TSHR: variants seen among roughly 807,000 people sequenced by gnomAD.
The protein encoded by TSHR is thyroid stimulating hormone receptor, also known as thyrotropin receptor.
In TSHR, 51 loss-of-function variants were observed where a neutral mutation model predicts 64.1. The ratio of observed to expected loss-of-function variants is 0.80; its 90% CI spans 0.64 to 1.01. The LOEUF is 1.01. TSHR is among the 50% of genes least tolerant of loss of function. The pLI is 0.00. For missense variants in TSHR, 877 were observed against 942.8 expected (o/e 0.93, Z 0.91); for synonymous variants, 361 against 361.9 (o/e 1.00, Z 0.03).
At chr14:81,011,002 A>C (rs999302840) in intron 1 of TSHR, among the ~76,000 whole-genome samples, 1 of 152,100 alleles carries the variant, frequency 6.6e-6, no homozygotes. Flanking sequence ...TACCAGAAAA[A>C]CTTCTCCACT....
chr14:81,042,776 T>C (rs1164389628), intron 1 of TSHR, among the ~76,000 whole-genome samples: 1 of 152,098 alleles, frequency 6.6e-6, no homozygotes, highest in East Asian at 1.9e-4. Flanking sequence ...TCAAAATAGC[T>C]AGGATAGAGT....
In TSHR at chr14:81,000,035, G is replaced by A. The variant is rs548844644; in HGVS notation, c.170+44185G>A. On this transcript the variant is annotated intron_variant, in intron 1 of 9. Transcript: ENST00000298171. ...CAACTTCCACCTCCTGGGTTCAAGC[G>A]ATTCTCCAGCCTCAGACTCCCGAGT... 6.2e-4 allele frequency among the ~76,000 whole-genome samples: 93 copies of A among 149,954 alleles called. 1 individual carries two copies. The South Asian group carries it at 0.017, about 28-fold the overall frequency.
chr14:81,125,092 G>A (rs1232517094), intron 8 of TSHR, among the ~76,000 whole-genome samples: 2 of 152,178 alleles, frequency 1.3e-5, no homozygotes, highest in South Asian at 2.1e-4. Context: ...TAGGAGAAAT[G>A]TGAATAAGTA....
chr14:81,043,498 T>C (rs1469316576), intron 1 of TSHR, among the ~76,000 whole-genome samples: 2 of 152,170 alleles, frequency 1.3e-5, no homozygotes, highest in Non-Finnish European at 2.9e-5. Flanking sequence ...ATTGTGAAAA[T>C]GGTCATACTG....
Position 81,143,410 on chromosome 14 carries a change from T to G in TSHR, c.1352T>G (p.Phe451Cys), listed in dbSNP as rs1891787600. The G allele has an allele frequency of 2.5e-6, 4 of 1,614,188 alleles. No homozygotes were observed. Among genetic ancestry groups the G allele is most frequent in the Non-Finnish European group, 3.4e-6 (4 of 1,180,032 alleles). Residue 451 changes from phenylalanine to cysteine, a missense_variant, in exon 10 of 10, where the codon TTT becomes TGT. By Grantham distance (205) the Phe-to-Cys change is radical. Transcript: ENST00000298171. The part of the protein sequence containing the change: ...TSHYKLNVPR[F>C]LMCNLAFADF... The stretch of plus-strand genomic sequence containing the variant: ...CACTACAAACTGAACGTCCCCCGCT[T>G]TCTCATGTGCAACCTGGCCTTTGCG...
intron 1 of TSHR, among the ~76,000 whole-genome samples, chr14:80,996,548 T>A (rs2139750440): frequency 6.6e-6 from 1 of 152,300 alleles, no homozygotes; most frequent in South Asian, 2.1e-4. Flanking sequence ...ACAGGGAGTC[T>A]AGTTACTAAG....
chr14:81,074,489 A>G (rs369756137), intron 3 of TSHR, among the ~76,000 whole-genome samples: 2 of 152,294 alleles, frequency 1.3e-5, no homozygotes, highest in East Asian at 1.9e-4. Context: ...TGTGGGTATA[A>G]GGCATGAAAC....
At chr14:81,019,836 C>T (rs1892256411) in intron 1 of TSHR, among the ~76,000 whole-genome samples, 1 of 152,184 alleles carries the variant, frequency 6.6e-6, no homozygotes, top group Admixed American at 6.5e-5. Flanking sequence ...ATGTGCGCCA[C>T]ATTTTCTTTA....
chr14:81,008,363 G>A (rs1368503967), intron 1 of TSHR, among the ~76,000 whole-genome samples: 2 of 151,848 alleles, frequency 1.3e-5, no homozygotes. Context: ...TAGTAGAGAC[G>A]GAGTTTCACC....
At chr14:81,097,976 C>A (rs1165210888) in intron 7 of TSHR, among the ~76,000 whole-genome samples, 2 of 152,026 alleles carry the variant, frequency 1.3e-5, no homozygotes, top group Non-Finnish European at 1.5e-5. Context: ...ATACTTACCC[C>A]CTCAAATTTA....
chr14:81,119,751 T>G (rs1391941637), intron 8 of TSHR, among the ~76,000 whole-genome samples: 4 of 119,888 alleles, frequency 3.3e-5, no homozygotes, highest in Non-Finnish European at 6.6e-5. Flanking sequence ...GCGGCACTAT[T>G]CACAATAGCA....
intron 1 of TSHR, chr14:81,012,570 G>C (rs373758005): frequency 3.9e-5 from 6 of 151,984 alleles, no homozygotes; most frequent in South Asian, 2.1e-4. Context: ...GTGTAAAAGT[G>C]TTCCTATTTC....
chr14:81,056,080 C>T (rs548617285), intron 1 of TSHR, among the ~76,000 whole-genome samples: 1 of 152,078 alleles, frequency 6.6e-6, no homozygotes, highest in Non-Finnish European at 1.5e-5. Context: ...CTTTCCTGTG[C>T]TGTTCTCATG....
At chr14:81,038,916 G>C (rs536027511) in intron 1 of TSHR, among the ~76,000 whole-genome samples, 11 of 151,628 alleles carry the variant, frequency 7.3e-5, no homozygotes, top group African/African-American at 2.7e-4. Flanking sequence ...TCCGATCACA[G>C]AAAACCATGG....
chr14:81,037,141 CA>C (rs112030020), intron 1 of TSHR, among the ~76,000 whole-genome samples: 36,390 of 146,032 alleles, frequency 0.25, 4,517 homozygotes, highest in South Asian at 0.34. Context: ...GACTCAGTCT[CA>C]AAAAAAAAAT....
At chr14:81,013,697 C>A (rs985872996) in intron 1 of TSHR, 1 of 152,244 alleles carries the variant, frequency 6.6e-6, no homozygotes, top group African/African-American at 2.4e-5. Context: ...CTGGACCCCA[C>A]AGCCAGTGAG....
intron 8 of TSHR, among the ~76,000 whole-genome samples, chr14:81,115,023 C>G (rs550228732): frequency 0.03 from 4,493 of 152,180 alleles, 232 homozygotes; most frequent in African/African-American, 0.1. Context: ...ACCAAAAACC[C>G]GTCTGTACAT....
At chr14:81,080,897 C>T (rs970308965) in intron 3 of TSHR, among the ~76,000 whole-genome samples, 11 of 152,076 alleles carry the variant, frequency 7.2e-5, no homozygotes, top group African/African-American at 2.4e-4. Flanking sequence ...TATAAATTTT[C>T]CCTAAGAAAA....
intron 2 of TSHR, among the ~76,000 whole-genome samples, chr14:81,067,508 G>T (rs1486563730): frequency 2.0e-5 from 2 of 98,088 alleles, no homozygotes; most frequent in Non-Finnish European, 4.1e-5. Flanking sequence ...TATATATAGT[G>T]ATATATCACT....
Sources: gnomAD v4.1 joint callset for allele counts (sites outside exome capture counted in the v4.1 genomes callset) on GRCh38, gnomAD v4.1.1 for gene constraint, MANE v1.5 for transcripts, NCBI Gene and HGNC (gene_info 2026-07-23, HGNC 2026-07-21) for gene names.